Variants in CUX2 observed in about 807,000 individuals in gnomAD.
CUX2 encodes homeobox protein cut-like 2.
CUX2 carries 40 observed loss-of-function variants against 144.8 expected under a neutral mutation model. The ratio of observed to expected loss-of-function variants is 0.28; its 90% CI spans 0.21 to 0.36. The LOEUF (loss-of-function observed/expected upper bound fraction) is 0.36, where lower values mean the gene tolerates loss of function less well. Ranked by LOEUF, CUX2 falls within the 10% of genes least tolerant of loss-of-function variation. The pLI, the probability that CUX2 is intolerant of heterozygous loss-of-function variation, is 1.00. For synonymous variants in CUX2, 827 were observed against 875.6 expected (o/e 0.94, Z 0.98); for missense variants, 1,615 against 1,994.0 (o/e 0.81, Z 3.62).
intron 1 of CUX2, among the ~76,000 whole-genome samples, chr12:111,112,399 T>G (rs1469907727): frequency 6.6e-6 from 1 of 152,202 alleles, no homozygotes; most frequent in Non-Finnish European, 1.5e-5. Context: ...GAAATCAATG[T>G]TTGCTGCATT....
At chr12:111,225,675 G>A (rs1882099741) in intron 3 of CUX2, among the ~76,000 whole-genome samples, 1 of 152,212 alleles carries the variant, frequency 6.6e-6, no homozygotes, top group Non-Finnish European at 1.5e-5. Flanking sequence ...TAGATTTAGG[G>A]ACCCAGCTGG....
intron 1 of CUX2, among the ~76,000 whole-genome samples, chr12:111,154,580 G>A (rs184599889): frequency 1.6e-3 from 237 of 152,312 alleles, no homozygotes; most frequent in Middle Eastern, 0.01. Context: ...AAGTCGGCAC[G>A]TCATAATTCT....
At chr12:111,331,235 T>A (rs940200983) in intron 18 of CUX2, among the ~76,000 whole-genome samples, 6 of 152,022 alleles carry the variant, frequency 3.9e-5, no homozygotes, top group Non-Finnish European at 7.4e-5. Flanking sequence ...AGTGACCAAC[T>A]CACCCACGAC....
chr12:111,238,420 G>A (rs1882866844), intron 3 of CUX2, among the ~76,000 whole-genome samples: 1 of 152,170 alleles, frequency 6.6e-6, no homozygotes, highest in Non-Finnish European at 1.5e-5. Flanking sequence ...CAACACTCTA[G>A]GTCTTTTGCA....
At chr12:111,079,650 A>G (rs1871758128) in intron 1 of CUX2, among the ~76,000 whole-genome samples, 1 of 152,186 alleles carries the variant, frequency 6.6e-6, no homozygotes. Context: ...TGCTCTAAGA[A>G]TCATTGATTG....
In CUX2 at chr12:111,039,360, A is replaced by AG; in HGVS notation, c.63+5126dup. Among the ~76,000 whole-genome samples, 1 of 152,184 alleles carries AG rather than the reference A, an allele frequency of 6.6e-6. No individual in the cohort carries two copies. The highest frequency in any genetic ancestry group is 2.1e-4 in the South Asian group (1 of 4,820). On this transcript the variant is annotated intron_variant, in intron 1 of 21. Coordinates refer to ENST00000261726, the MANE Select transcript of CUX2 (RefSeq NM_015267.4). The surrounding 1 kb of genome is among the most constrained non-coding windows in gnomAD (Gnocchi z 4.2). ...GGTGTCAGGGATGGTAGAGGTTGGC[A>AG]GGGGGGAAGGACCCCAAGAACTGTA...
rs150505033 is a variant in CUX2, at chr12:111,076,492, C to T, written c.63+42252C>T. ...TCACACAGCCAGGAAGTGGCAGAGC[C>T]GGGATTTGAATTCTGTTGGCTACAC... On this transcript the variant is annotated intron_variant, in intron 1 of 21. Coordinates refer to ENST00000261726, the MANE Select transcript of CUX2 (RefSeq NM_015267.4). Among the ~76,000 whole-genome samples, 831 of 152,252 alleles carry T rather than the reference C, an allele frequency of 5.5e-3. 11 individuals carry two copies. The highest frequency in any genetic ancestry group is 0.019 in the African/African-American group (780 of 41,522).
intron 1 of CUX2, among the ~76,000 whole-genome samples, chr12:111,180,384 G>A (rs1288663681): frequency 6.6e-6 from 1 of 152,070 alleles, no homozygotes; most frequent in African/African-American, 2.4e-5. Flanking sequence ...GCTCCTCTCA[G>A]CCTGAGTCTG....
chr12:111,301,502 G>A (rs1886291618), intron 9 of CUX2, among the ~76,000 whole-genome samples: 1 of 151,806 alleles, frequency 6.6e-6, no homozygotes, highest in Non-Finnish European at 1.5e-5. Flanking sequence ...GGAGGGGGAG[G>A]TAAGACTAGT....
Position 111,329,657 on chromosome 12 carries a change from G to A in CUX2, c.2927-4784G>A, listed in dbSNP as rs114409192. Among the ~76,000 whole-genome samples, 1,284 of 152,178 alleles carry A rather than the reference G, an allele frequency of 8.4e-3. 18 individuals are homozygous for A. Among genetic ancestry groups the A allele is most frequent in the African/African-American group, 0.03 (1,246 of 41,518 alleles). On this transcript the variant is annotated intron_variant, in intron 18 of 21. Coordinates refer to ENST00000261726, the MANE Select transcript of CUX2 (RefSeq NM_015267.4). ...TTTTGTTTGTTTGTTTGTTTTCGAG[G>A]TGGAGTCTTGTTCTTTCACCTAGGC... is the stretch of plus-strand genomic sequence containing the variant.
At chr12:111,147,338 T>C (rs1214215063) in intron 1 of CUX2, among the ~76,000 whole-genome samples, 2 of 152,136 alleles carry the variant, frequency 1.3e-5, no homozygotes, top group Non-Finnish European at 2.9e-5. Flanking sequence ...TTAATCTTGC[T>C]CCCCCAGCCA....
Position 111,186,400 on chromosome 12 carries a change from G to A in CUX2, c.64-27800G>A, listed in dbSNP as rs1879530000. Among the ~76,000 whole-genome samples the A allele has an allele frequency of 6.6e-6, 1 of 152,208 alleles. No homozygotes were observed. The highest frequency in any genetic ancestry group is 6.5e-5 in the Admixed American group (1 of 15,286). On this transcript the variant is annotated intron_variant, in intron 1 of 21. Transcript: ENST00000261726. The surrounding 1 kb of genome is among the most constrained non-coding windows in gnomAD (Gnocchi z 4.4). ...AGAAAGTGGCATGAGGGCCTTGTGG[G>A]GAAGGCTAAGTTGCTATGACGTTAA...
In CUX2 at chr12:111,089,849, C is replaced by T. The variant is rs193245557; in HGVS notation, c.63+55609C>T. Among the ~76,000 whole-genome samples, 4 of 152,326 alleles carry T rather than the reference C, an allele frequency of 2.6e-5. No individual in the cohort carries two copies. In the East Asian group the frequency reaches 5.8e-4, roughly 22 times the overall value. On this transcript the variant is annotated intron_variant, in intron 1 of 21. Coordinates refer to ENST00000261726, the MANE Select transcript of CUX2 (RefSeq NM_015267.4). ...ACCTAGTCACTGTGGCCCTAGGTCT[C>T]CTCTTCAGTTAAAACATCACAAAGC...
chr12:111,297,844 T>A (rs1886087907), intron 8 of CUX2, among the ~76,000 whole-genome samples: 1 of 151,990 alleles, frequency 6.6e-6, no homozygotes, highest in African/African-American at 2.4e-5. Flanking sequence ...ACATGGCAAA[T>A]GCTACAAAGG....
At position 111,037,158 on chromosome 12, in the gene CUX2, C is replaced by T. The variant is rs1294419735; in HGVS notation, c.63+2918C>T. Among the ~76,000 whole-genome samples the T allele has an allele frequency of 4.6e-5, 7 of 152,156 alleles. No homozygotes were observed. The highest frequency in any genetic ancestry group is 2.1e-4 in the South Asian group (1 of 4,822). The stretch of plus-strand genomic sequence containing the variant: ...GCCCAGCCCCAGGCAGCCGGAGAGC[C>T]GGGGTCCCGCGTCCCGAGGCTGAGC... On this transcript the variant is annotated intron_variant, in intron 1 of 21. Transcript: ENST00000261726. The surrounding 1 kb of genome is among the most constrained non-coding windows in gnomAD (Gnocchi z 5.4).
At chr12:111,148,355 G>A (rs966937662) in intron 1 of CUX2, among the ~76,000 whole-genome samples, 5 of 151,680 alleles carry the variant, frequency 3.3e-5, no homozygotes, top group Admixed American at 2.6e-4. Flanking sequence ...AAGTAGAGTG[G>A]TGGGTGTCTG....
intron 1 of CUX2, among the ~76,000 whole-genome samples, chr12:111,110,046 T>TC (rs1372438576): frequency 1.3e-5 from 2 of 151,610 alleles, no homozygotes; most frequent in East Asian, 3.9e-4. Flanking sequence ...CAACTAATTT[T>TC]TTTTTTTTTT....
intron 1 of CUX2, among the ~76,000 whole-genome samples, chr12:111,126,914 G>A (rs1875121452): frequency 6.6e-6 from 1 of 152,124 alleles, no homozygotes. Context: ...AACCAAAAAT[G>A]CACTAACTCC....
At chr12:111,063,982 G>A (rs1870918735) in intron 1 of CUX2, among the ~76,000 whole-genome samples, 1 of 152,222 alleles carries the variant, frequency 6.6e-6, no homozygotes. Flanking sequence ...GGGGACAGGG[G>A]AATGAATGTT....
Sources: gnomAD v4.1 joint callset for allele counts (sites outside exome capture counted in the v4.1 genomes callset) on GRCh38, gnomAD v4.1.1 for gene constraint, Gnocchi (gnomAD v3.1) non-coding constraint, MANE v1.5 for transcripts, NCBI Gene and HGNC (gene_info 2026-07-23, HGNC 2026-07-21) for gene names.